Variants in GRB10 observed in about 807,000 individuals in gnomAD.
GRB10 encodes growth factor receptor bound protein 10, also known as growth factor receptor-bound protein 10.
GRB10 carries 20 observed loss-of-function variants against 80.9 expected under a neutral mutation model. The ratio of observed to expected loss-of-function variants is 0.25; its 90% CI spans 0.17 to 0.36. The LOEUF is 0.36. Ranked by LOEUF, GRB10 falls within the 10% of genes least tolerant of loss-of-function variation. The pLI is 1.00. For missense variants in GRB10, 548 were observed against 747.7 expected (o/e 0.73, Z 3.12); for synonymous variants, 291 against 291.5 (o/e 1.00, Z 0.02).
At chr7:50,730,278 C>T (rs1587601559) in intron 4 of GRB10, among the ~76,000 whole-genome samples, 2 of 152,352 alleles carry the variant, frequency 1.3e-5, no homozygotes, top group East Asian at 3.9e-4. Context: ...TTAAAAATCA[C>T]ATCAGTGACT....
rs371726545 is a variant in GRB10 at position 50,604,328 on chromosome 7, G to A, written c.1439C>T (p.Pro480Leu). ...NILGSQSPLH[P>L]STLSTVIHRT... is the part of the protein sequence containing the mutation. ...CTGTTTACCTGTACTTAGGGTAGAAGGGTGGAGGGGACTTTGGCTACCTAG... is the reference window on the plus strand; with the variant it reads ...CTGTTTACCTGTACTTAGGGTAGAAAGGTGGAGGGGACTTTGGCTACCTAG... Residue 480 changes from proline to leucine, a missense_variant, in exon 16 of 19, where the codon CCT (proline) becomes CTT (leucine). Around this residue, in one of 4 missense-constraint regions of GRB10, gnomAD observed 270 missense variants for 433.6 expected, o/e 0.62. Coordinates refer to ENST00000401949, the MANE Select transcript of GRB10 (RefSeq NM_001350814.2). The A allele has an allele frequency of 2.5e-6, 4 of 1,613,380 alleles. No individual in the cohort carries two copies. The African/African-American group carries it at 5.3e-5, about 22-fold the overall frequency.
intron 8 of GRB10, among the ~76,000 whole-genome samples, chr7:50,621,495 C>T (rs2051736032): frequency 6.6e-6 from 1 of 152,202 alleles, no homozygotes; most frequent in South Asian, 2.1e-4. Flanking sequence ...TGGCAGGTGA[C>T]CCCTTTCTCA....
In GRB10 at chr7:50,591,033, G is replaced by A. The variant is rs945829413; in HGVS notation, c.*1919C>T. 1 of 152,112 alleles carries A rather than the reference G, an allele frequency of 6.6e-6. No homozygotes were observed. Among genetic ancestry groups the A allele is most frequent in the African/African-American group, 2.4e-5 (1 of 41,410 alleles). 9.4% of individuals were successfully genotyped at this position (152,112 alleles called of 1,614,324 possible). ...TTTTTCCTTGAAAAGGGTTTACCTC[G>A]AGCCAGTGAAGAGGAAGGAATCGTG... On this transcript the variant is annotated 3_prime_UTR_variant, in exon 19 of 19. Coordinates refer to ENST00000401949, the MANE Select transcript of GRB10 (RefSeq NM_001350814.2).
chr7:50,604,433 C>A lies in GRB10; in HGVS notation c.1390-56G>T, dbSNP rs372644163. The A allele has an allele frequency of 5.1e-5, 72 of 1,415,098 alleles. 1 individual carries two copies. The highest frequency in any genetic ancestry group is 4.4e-4 in the African/African-American group (31 of 71,242). The allele number at this position is 1,415,098 out of a possible 1,614,324, so 87.7% of individuals were successfully genotyped here. ...GACAGCAGACAGACACACCAAGTCA[C>A]CCAATATGTCCAAGCTCATGGCAGG... On this transcript the variant is annotated intron_variant, in intron 15 of 18. Coordinates refer to ENST00000401949, the MANE Select transcript of GRB10 (RefSeq NM_001350814.2).
chr7:50,592,313 C>A lies in GRB10; in HGVS notation c.*639G>T, dbSNP rs544273955. Reference sequence around the variant, plus strand: ...ATGCCAAATGCCTACCACAGTGACACCTTTTATTTTAACAAGAAAGCTTTT... The same window carrying A: ...ATGCCAAATGCCTACCACAGTGACAACTTTTATTTTAACAAGAAAGCTTTT... On this transcript the variant is annotated 3_prime_UTR_variant, in exon 19 of 19. Coordinates refer to ENST00000401949, the MANE Select transcript of GRB10 (RefSeq NM_001350814.2). The A allele has an allele frequency of 6.4e-6, 1 of 156,754 alleles. No individual in the cohort carries two copies. Among genetic ancestry groups the A allele is most frequent in the East Asian group, 1.9e-4 (1 of 5,284 alleles). 9.7% of individuals were successfully genotyped at this position (156,754 alleles called of 1,614,324 possible).
At chr7:50,775,179 A>AAAAAAAAAAAAAAAC (rs1562689445) in intron 2 of GRB10, among the ~76,000 whole-genome samples, 1 of 148,606 alleles carries the variant, frequency 6.7e-6, no homozygotes, top group Non-Finnish European at 1.5e-5. Flanking sequence ...AAAAACAAAA[A>AAAAAAAAAAAAAAAC]AAAACAGTGG....
intron 3 of GRB10, among the ~76,000 whole-genome samples, chr7:50,743,847 T>C (rs1445124031): frequency 6.6e-6 from 1 of 152,156 alleles, no homozygotes; most frequent in Non-Finnish European, 1.5e-5. Flanking sequence ...GGACTGTTAA[T>C]GCAGTGATCC....
chr7:50,660,236 G>A (rs980223769), intron 7 of GRB10, among the ~76,000 whole-genome samples: 3 of 151,760 alleles, frequency 2.0e-5, no homozygotes, highest in Admixed American at 6.6e-5. Flanking sequence ...GCAGGGAGGC[G>A]CAACTGCGGT....
At chr7:50,593,924 G>C (rs1370675979) in intron 18 of GRB10, among the ~76,000 whole-genome samples, 1 of 151,390 alleles carries the variant, frequency 6.6e-6, no homozygotes, top group African/African-American at 2.4e-5. Context: ...CTGTTCTTTT[G>C]TTACTTGTAG....
At chr7:50,622,686 T>C (rs533437679) in intron 8 of GRB10, among the ~76,000 whole-genome samples, 18 of 152,290 alleles carry the variant, frequency 1.2e-4, no homozygotes, top group Middle Eastern at 6.8e-3. Context: ...GCCCCCCACA[T>C]TCCCAGGGAT....
At chr7:50,637,328 G>A (rs2055238518) in intron 7 of GRB10, among the ~76,000 whole-genome samples, 1 of 152,146 alleles carries the variant, frequency 6.6e-6, no homozygotes, top group South Asian at 2.1e-4. Flanking sequence ...AACGACTTCA[G>A]TAAAGTTTCA....
At chr7:50,750,783 G>A (rs1209654151) in intron 3 of GRB10, among the ~76,000 whole-genome samples, 1 of 152,144 alleles carries the variant, frequency 6.6e-6, no homozygotes, top group Non-Finnish European at 1.5e-5. Context: ...AAAGACAGCA[G>A]ACACTCTGGG....
intron 4 of GRB10, among the ~76,000 whole-genome samples, chr7:50,730,961 G>A (rs780153049): frequency 3.0e-4 from 46 of 152,218 alleles, no homozygotes; most frequent in Non-Finnish European, 1.6e-4. Flanking sequence ...GCAGGCAGGG[G>A]TGAAGGGTGC....
At chr7:50,774,819 T>C (rs544256465) in intron 2 of GRB10, among the ~76,000 whole-genome samples, 1 of 152,106 alleles carries the variant, frequency 6.6e-6, no homozygotes, top group Non-Finnish European at 1.5e-5. Flanking sequence ...AAATCAGACA[T>C]GTGAGACTCA....
chr7:50,593,134 C>G (rs201634653), intron 18 of GRB10, 36 bp from the exon 19 acceptor site: 1 of 1,613,568 alleles, frequency 6.2e-7, no homozygotes, highest in Non-Finnish European at 8.5e-7. Context: ...AGGTTAGAGG[C>G]TGCCACCTCA....
intron 2 of GRB10, among the ~76,000 whole-genome samples, chr7:50,775,876 G>C (rs1452344162): frequency 6.6e-6 from 1 of 152,184 alleles, no homozygotes; most frequent in Non-Finnish European, 1.5e-5. Flanking sequence ...AGCTACAGCT[G>C]GGATATCCAA....
At chr7:50,747,252 C>A (rs944328749) in intron 3 of GRB10, among the ~76,000 whole-genome samples, 6 of 152,314 alleles carry the variant, frequency 3.9e-5, no homozygotes, top group Middle Eastern at 3.4e-3. Context: ...TGAGCCCAGG[C>A]GCGGTAGCTG....
At chr7:50,705,933 G>C (rs2064985644) in intron 4 of GRB10, among the ~76,000 whole-genome samples, 2 of 152,190 alleles carry the variant, frequency 1.3e-5, no homozygotes, top group African/African-American at 4.8e-5. Flanking sequence ...TATCTGAGAG[G>C]GTGGTACCTC....
chr7:50,606,199 A>G, intron 14 of GRB10, 138 bp downstream of exon 14: 1 of 787,956 alleles, frequency 1.3e-6, no homozygotes, highest in South Asian at 1.4e-5. Flanking sequence ...TCATCGTGGG[A>G]CATACTGGCT....
Sources: allele counts gnomAD v4.1 joint callset (sites outside exome capture counted in the v4.1 genomes callset), GRCh38; gene constraint gnomAD v4.1.1; regional missense constraint gnomAD v4.1.1; transcripts MANE v1.5; gene names NCBI Gene and HGNC (gene_info 2026-07-23, HGNC 2026-07-21).